The following MRRF variants were observed in gnomAD, a reference collection of about 807,000 sequenced individuals.
MRRF encodes mitochondrial ribosome recycling factor, also known as ribosome-recycling factor, mitochondrial.
MRRF carries 18 observed loss-of-function variants against 25.1 expected under a neutral mutation model. The observed-to-expected ratio is 0.72, with a 90% CI of 0.50 to 1.06. MRRF has a LOEUF of 1.06. Among genes scored for constraint, MRRF ranks in the 50% least tolerant of loss-of-function variants. The pLI, the probability that MRRF is intolerant of heterozygous loss-of-function variation, is 0.00. For synonymous variants in MRRF, 113 were observed against 112.1 expected, an observed-to-expected ratio of 1.01 and a Z score of -0.05; for missense variants, 323 against 319.3, an observed-to-expected ratio of 1.01 and a Z score of -0.09.
At chr9:122,291,499 C>T (rs1318541874) in intron 4 of MRRF, among the ~76,000 whole-genome samples, 1 of 152,116 alleles carries the variant, frequency 6.6e-6, no homozygotes, top group African/African-American at 2.4e-5. Context: ...TTCAAAGAGG[C>T]AGAGCTGTTT....
At chr9:122,291,682 C>G in intron 4 of MRRF, 67 bp from the exon 5 acceptor site, 2 of 1,138,478 alleles carry the variant, frequency 1.8e-6, no homozygotes, top group Non-Finnish European at 2.7e-6. Flanking sequence ...TGCCAGTTAT[C>G]GACAGAGGGC....
At chr9:122,319,199 G>A (rs1470590331) in intron 6 of MRRF, among the ~76,000 whole-genome samples, 3 of 143,200 alleles carry the variant, frequency 2.1e-5, no homozygotes, top group Non-Finnish European at 4.5e-5. Context: ...CCCCCAGGCT[G>A]GAGTGCAGTG....
intron 5 of MRRF, among the ~76,000 whole-genome samples, chr9:122,305,392 A>C (rs1834772622): frequency 6.7e-6 from 1 of 149,994 alleles, no homozygotes; most frequent in African/African-American, 2.5e-5. Context: ...AGCCTGGGAG[A>C]CAGACTGAGA....
At chr9:122,309,632 A>T (rs1564508590) in intron 5 of MRRF, among the ~76,000 whole-genome samples, 1 of 152,196 alleles carries the variant, frequency 6.6e-6, no homozygotes, top group Non-Finnish European at 1.5e-5. Context: ...TTTATGGTGC[A>T]TATTACCACT....
At chr9:122,282,309 T>C (rs1325903858) in intron 3 of MRRF, among the ~76,000 whole-genome samples, 5 of 152,262 alleles carry the variant, frequency 3.3e-5, no homozygotes, top group Non-Finnish European at 7.3e-5. Context: ...TATTCATTGT[T>C]GTCCTCTTCC....
chr9:122,313,825 G>A (rs1266444339), intron 6 of MRRF, among the ~76,000 whole-genome samples: 2 of 152,200 alleles, frequency 1.3e-5, no homozygotes, highest in Non-Finnish European at 2.9e-5. Flanking sequence ...AGTGTTCTCA[G>A]TGTGCTGAGT....
chr9:122,321,135 A>G (rs1835867230), intron 6 of MRRF, among the ~76,000 whole-genome samples: 1 of 152,242 alleles, frequency 6.6e-6, no homozygotes, highest in African/African-American at 2.4e-5. Context: ...TCTTCCCATC[A>G]GTAAAATATA....
At chr9:122,306,534 A>C (rs1834858910) in intron 5 of MRRF, among the ~76,000 whole-genome samples, 1 of 152,184 alleles carries the variant, frequency 6.6e-6, no homozygotes, top group Non-Finnish European at 1.5e-5. Flanking sequence ...CAACAGTCTG[A>C]CTTCAGAGCC....
At chr9:122,270,694 T>G (rs2119028329) in intron 1 of MRRF, 170 bp from the exon 2 acceptor site, 1 of 596,194 alleles carries the variant, frequency 1.7e-6, no homozygotes, top group East Asian at 2.9e-5. Flanking sequence ...AGGCAAATAA[T>G]ATTTTCTTCT....
At chr9:122,287,016 T>C (rs1425072623) in intron 4 of MRRF, among the ~76,000 whole-genome samples, 2 of 152,238 alleles carry the variant, frequency 1.3e-5, no homozygotes, top group East Asian at 3.9e-4. Context: ...GCATATCCTG[T>C]TCCCATTGCA....
chr9:122,316,752 A>C (rs1264345852), intron 6 of MRRF, among the ~76,000 whole-genome samples: 1 of 151,752 alleles, frequency 6.6e-6, no homozygotes, highest in South Asian at 2.1e-4. Context: ...GAGAAAGTTC[A>C]TCCTCCCCTC....
chr9:122,283,594 T>C (rs1465623967), intron 3 of MRRF, among the ~76,000 whole-genome samples: 1 of 152,234 alleles, frequency 6.6e-6, no homozygotes, highest in African/African-American at 2.4e-5. Flanking sequence ...GTCAGCAACC[T>C]TCTGTCTTAT....
At chr9:122,309,617 A>G (rs976362722) in intron 5 of MRRF, among the ~76,000 whole-genome samples, 8 of 152,130 alleles carry the variant, frequency 5.3e-5, no homozygotes, top group Admixed American at 2.0e-4. Context: ...GAACCTCTAT[A>G]TGTCTTTATG....
intron 2 of MRRF, 103 bp from the exon 3 acceptor site, chr9:122,280,340 C>A: frequency 8.0e-7 from 1 of 1,254,548 alleles, no homozygotes; most frequent in Non-Finnish European, 1.2e-6. Flanking sequence ...AATTTTCTAA[C>A]ACTTGACATT....
At chr9:122,286,347 G>C (rs1453873419) in intron 4 of MRRF, among the ~76,000 whole-genome samples, 1 of 152,202 alleles carries the variant, frequency 6.6e-6, no homozygotes, top group Non-Finnish European at 1.5e-5. Flanking sequence ...AGGCACACCT[G>C]TGGGTGTGCT....
At chr9:122,299,557 T>A (rs888281644) in intron 5 of MRRF, among the ~76,000 whole-genome samples, 1 of 152,024 alleles carries the variant, frequency 6.6e-6, no homozygotes, top group Admixed American at 6.6e-5. Context: ...CAGGAACTTA[T>A]AAAGGAGGCC....
chr9:122,307,230 G>T (rs1834906051), intron 5 of MRRF, among the ~76,000 whole-genome samples: 1 of 152,180 alleles, frequency 6.6e-6, no homozygotes, highest in African/African-American at 2.4e-5. Context: ...TCCTGTAGGG[G>T]GGAGTCCCGG....
Position 122,280,565 on chromosome 9 carries a change from T to C in MRRF, c.307T>C (p.Phe103Leu). ...KSVIEALKDNFNKTLNIRTSP... is the reference protein window; with the variant it reads ...KSVIEALKDNLNKTLNIRTSP... ...TGTGATAGAAGCTCTCAAGGATAAT[T>C]TCAATAAGACTCTCAATATAAGGAC... The change falls in exon 3 of 7, where the codon TTC (phenylalanine) becomes CTC (leucine). Residue 103 changes from phenylalanine (F) to leucine (L), a missense_variant. Coordinates refer to ENST00000344641, the MANE Select transcript of MRRF (RefSeq NM_138777.5). 1 of 1,614,032 alleles carries C rather than the reference T, an allele frequency of 6.2e-7. No individual in the cohort carries two copies. Among genetic ancestry groups the C allele is most frequent in the Non-Finnish European group, 8.5e-7 (1 of 1,179,920 alleles).
At chr9:122,305,491 A>AG (rs1442686133) in intron 5 of MRRF, among the ~76,000 whole-genome samples, 1 of 152,056 alleles carries the variant, frequency 6.6e-6, no homozygotes, top group East Asian at 1.9e-4. Flanking sequence ...TGTAAAATCC[A>AG]GGTACTAATA....
Sources: gnomAD v4.1 joint callset for allele counts (sites outside exome capture counted in the v4.1 genomes callset) on GRCh38, gnomAD v4.1.1 for gene constraint, MANE v1.5 for transcripts, NCBI Gene and HGNC (gene_info 2026-07-23, HGNC 2026-07-21) for gene names.